HS6ST1: variants seen among roughly 807,000 people sequenced by gnomAD.
HS6ST1 encodes heparan-sulfate 6-O-sulfotransferase 1.
A neutral mutation model predicts 25.2 loss-of-function variants in HS6ST1; 3 were observed. The ratio of observed to expected loss-of-function variants is 0.12; its 90% CI spans 0.05 to 0.31. The LOEUF is 0.31. Among genes scored for constraint, HS6ST1 ranks in the 10% least tolerant of loss-of-function variants. HS6ST1 has a pLI of 1.00. For missense variants in HS6ST1, 310 were observed against 609.6 expected, an observed-to-expected ratio of 0.51 and a Z score of 5.18; for synonymous variants, 204 against 275.1, an observed-to-expected ratio of 0.74 and a Z score of 2.56.
intron 1 of HS6ST1, among the ~76,000 whole-genome samples, chr2:128,273,823 C>T (rs1210139904): frequency 3.9e-5 from 6 of 152,202 alleles, no homozygotes; most frequent in African/African-American, 1.2e-4. Context: ...AGGAAGAGGG[C>T]GGGGTGTGGC....
rs191657086 is a variant in HS6ST1 at position 128,307,983 on chromosome 2, G to A, written c.527+10054C>T. Among the ~76,000 whole-genome samples the A allele has an allele frequency of 8.5e-5, 13 of 152,348 alleles. No individual in the cohort carries two copies. The East Asian group carries it at 2.5e-3, about 29-fold the overall frequency. On this transcript the variant is annotated intron_variant, in intron 1 of 1. Coordinates refer to ENST00000259241, the MANE Select transcript of HS6ST1 (RefSeq NM_004807.3). The stretch of plus-strand genomic sequence containing the variant: ...AGCAGTCAATGAATTAAACACGCAT[G>A]TCAGGGACCAACAGGGATAAATCTC...
chr2:128,292,021 G>A (rs536367436), intron 1 of HS6ST1, among the ~76,000 whole-genome samples: 208 of 152,336 alleles, frequency 1.4e-3, no homozygotes, highest in African/African-American at 4.8e-3. Flanking sequence ...GGAAGGGTCC[G>A]GCTCAGGAGA....
At chr2:128,316,847 C>T (rs1344937812) in intron 1 of HS6ST1, among the ~76,000 whole-genome samples, 2 of 152,102 alleles carry the variant, frequency 1.3e-5, no homozygotes, top group South Asian at 2.1e-4. Context: ...AGCAGTGTCT[C>T]GGACTCTGCT....
chr2:128,282,911 C>G (rs1428661837), intron 1 of HS6ST1, among the ~76,000 whole-genome samples: 2 of 152,206 alleles, frequency 1.3e-5, no homozygotes, highest in African/African-American at 4.8e-5. Flanking sequence ...GTGCTGACCG[C>G]CCCACATCTG....
intron 1 of HS6ST1, among the ~76,000 whole-genome samples, chr2:128,282,930 G>A (rs1426167749): frequency 6.6e-6 from 1 of 152,170 alleles, no homozygotes; most frequent in Non-Finnish European, 1.5e-5. Flanking sequence ...TGGGGCCTCT[G>A]GACCTCAGGG....
intron 1 of HS6ST1, among the ~76,000 whole-genome samples, chr2:128,298,992 C>A (rs552216253): frequency 2.6e-5 from 4 of 152,340 alleles, no homozygotes; most frequent in African/African-American, 7.2e-5. Flanking sequence ...CTCCCTCCTG[C>A]ATGACTGTGT....
At chr2:128,287,326 T>C (rs934036305) in intron 1 of HS6ST1, among the ~76,000 whole-genome samples, 5 of 152,116 alleles carry the variant, frequency 3.3e-5, no homozygotes, top group Admixed American at 2.0e-4. Flanking sequence ...CCCCTTCCCC[T>C]GAGATGCACT....
In HS6ST1 at chr2:128,269,184, G is replaced by C. The variant is rs552199117; in HGVS notation, c.528-314C>G. Among the ~76,000 whole-genome samples the C allele has an allele frequency of 4.6e-5, 7 of 152,332 alleles. No homozygotes were observed. The South Asian group carries it at 1.2e-3, about 27-fold the overall frequency. On this transcript the variant is annotated intron_variant, in intron 1 of 1. Coordinates refer to ENST00000259241, the MANE Select transcript of HS6ST1 (RefSeq NM_004807.3). ...ATACCGCATCCAGAGAAGTCGCAGA[G>C]CCACAGCCGCCTGAGGCCAGCAGTC...
intron 1 of HS6ST1, among the ~76,000 whole-genome samples, chr2:128,300,434 G>A (rs1302711199): frequency 6.6e-6 from 1 of 152,184 alleles, no homozygotes; most frequent in Non-Finnish European, 1.5e-5. Context: ...CCCCAGCCCT[G>A]CACCTGGGCC....
rs1205398311 is a variant in HS6ST1 at position 128,318,837 on chromosome 2, C to T, written c.-274G>A. On this transcript the variant is annotated 5_prime_UTR_variant, in exon 1 of 2. Transcript: ENST00000259241. This position sits in a 1 kb window ranked among gnomAD's most constrained non-coding sequence, Gnocchi z 5.7. ...GCTCTCCGCGCCCCCAGCACCAGCCCGCTCCGCTCCACTCCGCGCCGAGAA... is the reference window on the plus strand; with the variant it reads ...GCTCTCCGCGCCCCCAGCACCAGCCTGCTCCGCTCCACTCCGCGCCGAGAA... 3.4e-5 allele frequency among the ~76,000 whole-genome samples: 5 copies of T among 147,840 alleles called. No homozygotes were observed. In the East Asian group the frequency reaches 9.9e-4, roughly 29 times the overall value.
At chr2:128,313,713 C>T (rs1258546533) in intron 1 of HS6ST1, among the ~76,000 whole-genome samples, 3 of 152,110 alleles carry the variant, frequency 2.0e-5, no homozygotes, top group Non-Finnish European at 4.4e-5. Context: ...CCTGGATTCC[C>T]TGGCCCTAGG....
intron 1 of HS6ST1, among the ~76,000 whole-genome samples, chr2:128,294,044 T>G (rs554497888): frequency 1.3e-5 from 2 of 152,324 alleles, no homozygotes; most frequent in African/African-American, 2.4e-5. Context: ...TGTACCTCCT[T>G]GAGGGCAGGG....
chr2:128,289,345 G>A (rs569611317), intron 1 of HS6ST1, among the ~76,000 whole-genome samples: 7 of 152,294 alleles, frequency 4.6e-5, no homozygotes, highest in Non-Finnish European at 1.0e-4. Flanking sequence ...AAAAAGGTTA[G>A]GGCCCAGCAG....
chr2:128,302,126 T>G (rs958088468), intron 1 of HS6ST1, among the ~76,000 whole-genome samples: 3 of 152,202 alleles, frequency 2.0e-5, no homozygotes, highest in African/African-American at 7.2e-5. Flanking sequence ...GTGGAGGCTG[T>G]GCATGGGGAC....
intron 1 of HS6ST1, among the ~76,000 whole-genome samples, chr2:128,290,700 G>C (rs956616107): frequency 7.2e-5 from 11 of 151,924 alleles, no homozygotes; most frequent in African/African-American, 2.7e-4. Context: ...GGCCAGGCGT[G>C]GTAGCTCACA....
At chr2:128,297,131 C>G (rs1694050728) in intron 1 of HS6ST1, among the ~76,000 whole-genome samples, 1 of 152,162 alleles carries the variant, frequency 6.6e-6, no homozygotes, top group African/African-American at 2.4e-5. Context: ...TTCCTGATTT[C>G]AAAACTTAAC....
intron 1 of HS6ST1, among the ~76,000 whole-genome samples, chr2:128,304,285 G>A (rs1694175340): frequency 6.6e-6 from 1 of 152,172 alleles, no homozygotes. Flanking sequence ...CCCCTACGCT[G>A]GGGGATGCTG....
At chr2:128,271,742 G>A (rs1034877845) in intron 1 of HS6ST1, among the ~76,000 whole-genome samples, 6 of 152,232 alleles carry the variant, frequency 3.9e-5, no homozygotes, top group South Asian at 2.1e-4. Context: ...CACCTGCCAC[G>A]ATCCTGGCCT....
chr2:128,268,893 G>A (rs769551946), intron 1 of HS6ST1, 23 bp from the exon 2 acceptor site: 2 of 1,588,028 alleles, frequency 1.3e-6, no homozygotes, highest in South Asian at 1.1e-5. Context: ...GGGGAGAGGA[G>A]GTGAGGGCTG....
Sources: allele counts gnomAD v4.1 joint callset (sites outside exome capture counted in the v4.1 genomes callset), GRCh38; gene constraint gnomAD v4.1.1; non-coding constraint Gnocchi (gnomAD v3.1); transcripts MANE v1.5; gene names NCBI Gene and HGNC (gene_info 2026-07-23, HGNC 2026-07-21).